The following SLC2A13 variants were observed in gnomAD, a reference collection of about 807,000 sequenced individuals.
The protein encoded by SLC2A13 is solute carrier family 2 member 13, also known as proton myo-inositol cotransporter.
SLC2A13 carries 32 observed loss-of-function variants against 64.4 expected under a neutral mutation model. The observed-to-expected ratio is 0.50, with a 90% CI of 0.37 to 0.67. The LOEUF (loss-of-function observed/expected upper bound fraction) is 0.67, where lower values mean the gene tolerates loss of function less well. SLC2A13 is among the 30% of genes least tolerant of loss of function. The probability of loss-of-function intolerance (pLI) is 0.00; values close to 1 mark genes in which losing one functional copy is unlikely to be tolerated. For synonymous variants in SLC2A13, 338 were observed against 327.1 expected, an observed-to-expected ratio of 1.03 and a Z score of -0.36; for missense variants, 743 against 829.2, an observed-to-expected ratio of 0.90 and a Z score of 1.28.
At chr12:39,990,003 G>C (rs1312394279) in intron 3 of SLC2A13, among the ~76,000 whole-genome samples, 1 of 152,148 alleles carries the variant, frequency 6.6e-6, no homozygotes, top group Non-Finnish European at 1.5e-5. Context: ...AGTTTTCTCT[G>C]ATAGGACTAT....
chr12:39,856,017 G>A (rs1394193137), intron 6 of SLC2A13, among the ~76,000 whole-genome samples: 1 of 152,112 alleles, frequency 6.6e-6, no homozygotes, highest in African/African-American at 2.4e-5. Context: ...GCCCATAGAA[G>A]GTATTGCTAA....
At chr12:39,851,588 C>T (rs927460427) in intron 6 of SLC2A13, among the ~76,000 whole-genome samples, 7 of 152,136 alleles carry the variant, frequency 4.6e-5, no homozygotes, top group Non-Finnish European at 7.4e-5. Flanking sequence ...ATCATCCATG[C>T]TAAATGCCAA....
intron 3 of SLC2A13, among the ~76,000 whole-genome samples, chr12:40,016,715 G>A (rs1439881125): frequency 1.3e-5 from 2 of 151,740 alleles, no homozygotes; most frequent in African/African-American, 2.4e-5. Flanking sequence ...ATTAGTAAGG[G>A]GTATTTCCTA....
At chr12:39,912,235 C>T (rs1945443928) in intron 4 of SLC2A13, among the ~76,000 whole-genome samples, 1 of 152,028 alleles carries the variant, frequency 6.6e-6, no homozygotes, top group African/African-American at 2.4e-5. Context: ...TAAGGATGTG[C>T]TTGATAATCA....
At chr12:39,968,080 T>C (rs1210436646) in intron 3 of SLC2A13, among the ~76,000 whole-genome samples, 2 of 152,182 alleles carry the variant, frequency 1.3e-5, no homozygotes, top group African/African-American at 2.4e-5. Flanking sequence ...CTCATATTGC[T>C]AATAAAGACA....
intron 4 of SLC2A13, among the ~76,000 whole-genome samples, chr12:39,906,192 C>T (rs1028784645): frequency 1.3e-5 from 2 of 151,988 alleles, no homozygotes; most frequent in Non-Finnish European, 2.9e-5. Context: ...TTTAATAATC[C>T]CAATTTTCAA....
chr12:39,909,879 G>T (rs1378395411), intron 4 of SLC2A13, among the ~76,000 whole-genome samples: 1 of 148,862 alleles, frequency 6.7e-6, no homozygotes, highest in Non-Finnish European at 1.5e-5. Flanking sequence ...TTTTTTAAGA[G>T]AGTAAATAAC....
At chr12:40,059,397 C>G (rs1948382500) in intron 1 of SLC2A13, among the ~76,000 whole-genome samples, 1 of 152,106 alleles carries the variant, frequency 6.6e-6, no homozygotes, top group Non-Finnish European at 1.5e-5. Flanking sequence ...TATGGAAAAC[C>G]TTAAACTATT....
intron 7 of SLC2A13, among the ~76,000 whole-genome samples, chr12:39,799,298 T>C (rs1380701806): frequency 1.4e-5 from 2 of 147,160 alleles, no homozygotes; most frequent in Non-Finnish European, 3.0e-5. Flanking sequence ...TTAGTAGCAA[T>C]GGGGTTTCGC....
At chr12:39,892,101 C>T (rs1261710223) in intron 4 of SLC2A13, among the ~76,000 whole-genome samples, 1 of 152,188 alleles carries the variant, frequency 6.6e-6, no homozygotes, top group East Asian at 1.9e-4. Flanking sequence ...AGCATTCATT[C>T]TACTGCAGTT....
chr12:39,797,398 T>C (rs1004942271), intron 7 of SLC2A13, among the ~76,000 whole-genome samples: 3 of 152,160 alleles, frequency 2.0e-5, no homozygotes, highest in Non-Finnish European at 4.4e-5. Flanking sequence ...CAGCACAGTA[T>C]TTTTCTCATT....
intron 1 of SLC2A13, among the ~76,000 whole-genome samples, chr12:40,067,755 C>A (rs1937790517): frequency 6.6e-6 from 1 of 152,174 alleles, no homozygotes; most frequent in Admixed American, 6.5e-5. Flanking sequence ...TATTAAAGCA[C>A]ATACAACTGC....
intron 2 of SLC2A13, among the ~76,000 whole-genome samples, chr12:40,043,598 A>T (rs1383862941): frequency 6.6e-6 from 1 of 152,190 alleles, no homozygotes; most frequent in Non-Finnish European, 1.5e-5. Context: ...ATTTGCTGCC[A>T]GATGCTGAAA....
chr12:39,925,980 T>C (rs930462826), intron 4 of SLC2A13, among the ~76,000 whole-genome samples: 8 of 152,162 alleles, frequency 5.3e-5, no homozygotes, highest in Non-Finnish European at 1.0e-4. Flanking sequence ...TATCTAGATC[T>C]TCATGAATAT....
At chr12:39,786,224 T>C (rs894556467) in intron 7 of SLC2A13, among the ~76,000 whole-genome samples, 1 of 152,144 alleles carries the variant, frequency 6.6e-6, no homozygotes, top group African/African-American at 2.4e-5. Flanking sequence ...GGGGAGGTAA[T>C]TGAATCATGG....
intron 6 of SLC2A13, among the ~76,000 whole-genome samples, chr12:39,845,681 C>T (rs554904004): frequency 1.3e-5 from 2 of 152,238 alleles, no homozygotes; most frequent in Admixed American, 1.3e-4. Flanking sequence ...AGGCATCCCC[C>T]TAGATAGCAT....
intron 3 of SLC2A13, among the ~76,000 whole-genome samples, chr12:39,978,119 G>GT (rs1292859104): frequency 6.6e-6 from 1 of 152,160 alleles, no homozygotes; most frequent in Non-Finnish European, 1.5e-5. Context: ...TTTTTGTTGA[G>GT]TGAGTGAATG....
intron 2 of SLC2A13, among the ~76,000 whole-genome samples, chr12:40,041,769 C>T (rs1258992027): frequency 2.0e-5 from 3 of 152,192 alleles, no homozygotes; most frequent in African/African-American, 7.2e-5. Flanking sequence ...ACCCAAGAGG[C>T]GAGAGCCCCA....
chr12:39,975,514 A>G (rs1946743185), intron 3 of SLC2A13, among the ~76,000 whole-genome samples: 1 of 152,186 alleles, frequency 6.6e-6, no homozygotes, highest in Non-Finnish European at 1.5e-5. Flanking sequence ...GGTAGTAGAC[A>G]TTTTCTAAAT....
Sources: allele counts gnomAD v4.1 joint callset (sites outside exome capture counted in the v4.1 genomes callset), GRCh38; gene constraint gnomAD v4.1.1; transcripts MANE v1.5; gene names NCBI Gene and HGNC (gene_info 2026-07-23, HGNC 2026-07-21).